KCNH1: variants seen among roughly 807,000 people sequenced by gnomAD.
KCNH1 encodes potassium voltage-gated channel subfamily H member 1.
KCNH1 carries 27 observed loss-of-function variants against 69.2 expected under a neutral mutation model. The observed-to-expected ratio is 0.39, with a 90% CI of 0.29 to 0.54. KCNH1 has a LOEUF of 0.54. KCNH1 is among the 20% of genes least tolerant of loss of function. KCNH1 has a pLI of 0.68. For synonymous variants in KCNH1, 456 were observed against 487.7 expected (o/e 0.93, Z 0.86); for missense variants, 798 against 1,261.6 (o/e 0.63, Z 5.57).
At chr1:210,994,532 G>C (rs1430740497) in intron 6 of KCNH1, among the ~76,000 whole-genome samples, 1 of 152,132 alleles carries the variant, frequency 6.6e-6, no homozygotes, top group Non-Finnish European at 1.5e-5. Context: ...GTCTGTGCAG[G>C]GTCTTAAAGG....
intron 5 of KCNH1, among the ~76,000 whole-genome samples, chr1:211,055,533 C>G (rs1571611734): frequency 6.6e-6 from 1 of 152,262 alleles, no homozygotes; most frequent in African/African-American, 2.4e-5. Flanking sequence ...GTGCTGGACT[C>G]GAAGATAATG....
At chr1:210,982,554 A>T (rs1688734847) in intron 6 of KCNH1, among the ~76,000 whole-genome samples, 4 of 152,200 alleles carry the variant, frequency 2.6e-5, no homozygotes, top group African/African-American at 7.2e-5. Flanking sequence ...TTTGCTGAGA[A>T]TGATGGTTTC....
intron 1 of KCNH1, among the ~76,000 whole-genome samples, chr1:211,109,119 C>A (rs941320932): frequency 6.6e-6 from 1 of 152,154 alleles, no homozygotes; most frequent in Non-Finnish European, 1.5e-5. Context: ...GTAACTGGCA[C>A]AGATAATACA....
chr1:210,808,490 T>C (rs1280541823), intron 7 of KCNH1, among the ~76,000 whole-genome samples: 1 of 152,142 alleles, frequency 6.6e-6, no homozygotes, highest in Non-Finnish European at 1.5e-5. Flanking sequence ...ACAATTACTA[T>C]TATGAAATAT....
At chr1:210,969,185 A>G (rs1252043074) in intron 6 of KCNH1, among the ~76,000 whole-genome samples, 3 of 151,872 alleles carry the variant, frequency 2.0e-5, no homozygotes, top group Non-Finnish European at 4.4e-5. Flanking sequence ...TTGGTTATAA[A>G]TTTTTCATCC....
At chr1:211,064,803 A>G (rs911437983) in intron 5 of KCNH1, among the ~76,000 whole-genome samples, 13 of 152,112 alleles carry the variant, frequency 8.5e-5, no homozygotes, top group Non-Finnish European at 1.9e-4. Flanking sequence ...ACAACAAAAA[A>G]CCTAATTTTT....
At chr1:210,881,288 C>T (rs1392914195) in intron 7 of KCNH1, among the ~76,000 whole-genome samples, 1 of 152,128 alleles carries the variant, frequency 6.6e-6, no homozygotes, top group Admixed American at 6.5e-5. Context: ...CAGGTGTGAG[C>T]CACCATGCCC....
chr1:210,914,397 G>A (rs1474929022), intron 7 of KCNH1, among the ~76,000 whole-genome samples: 1 of 152,068 alleles, frequency 6.6e-6, no homozygotes, highest in Non-Finnish European at 1.5e-5. Flanking sequence ...CTCAGCAAAG[G>A]TGAAATGCAA....
intron 7 of KCNH1, among the ~76,000 whole-genome samples, chr1:210,844,726 T>A (rs1685499496): frequency 6.6e-6 from 1 of 151,678 alleles, no homozygotes; most frequent in African/African-American, 2.4e-5. Flanking sequence ...ATAACTAAGA[T>A]CAGAGCAGAA....
At chr1:210,723,342 C>CA (rs112385701) in intron 10 of KCNH1, among the ~76,000 whole-genome samples, 33,152 of 151,856 alleles carry the variant, frequency 0.22, 4,537 homozygotes, top group African/African-American at 0.39. Context: ...CCATGAAGGT[C>CA]AGTCATAGGC....
intron 10 of KCNH1, among the ~76,000 whole-genome samples, chr1:210,706,773 A>G (rs935135644): frequency 6.6e-6 from 1 of 152,262 alleles, no homozygotes; most frequent in Admixed American, 6.5e-5. Context: ...TTCTCATCAC[A>G]TCACCCCAGG....
chr1:210,684,087 T>C lies in KCNH1; in HGVS notation c.2164A>G (p.Lys722Glu). ...ATCAGGGGGGCCTCATTCTTTCGTT[T>C]CATGCGTTCTTCCTCTTCACGTTTC... The part of the protein sequence containing the change: ...DVKREEEERM[K>E]RKNEAPLILP... The change falls in exon 11 of 11, where the codon AAA (lysine) becomes GAA (glutamate). Residue 722 changes from lysine (K) to glutamate (E), a missense_variant. Physicochemically the swap from Lys to Glu is moderately conservative, Grantham distance 56. Transcript: ENST00000271751. 6.6e-7 allele frequency: 1 copy of C among 1,517,208 alleles called. No homozygotes were observed. Among genetic ancestry groups the C allele is most frequent in the Non-Finnish European group, 8.8e-7 (1 of 1,132,804 alleles). 94.0% of individuals were successfully genotyped at this position (1,517,208 alleles called of 1,614,324 possible). A position where few individuals can be genotyped will look rare whatever the true frequency, so the allele number is the denominator to read the frequency against.
chr1:211,079,137 C>A (rs1690798256), intron 5 of KCNH1, among the ~76,000 whole-genome samples: 1 of 152,070 alleles, frequency 6.6e-6, no homozygotes, highest in South Asian at 2.1e-4. Context: ...AAGGGGTTAT[C>A]ACCACCAATC....
At chr1:210,920,103 G>A (rs1687428902) in intron 6 of KCNH1, 34 bp from the exon 7 acceptor site, 3 of 1,592,930 alleles carry the variant, frequency 1.9e-6, no homozygotes, top group Non-Finnish European at 2.6e-6. Flanking sequence ...CAGGGCCAAA[G>A]AACCAAAGAT....
intron 1 of KCNH1, among the ~76,000 whole-genome samples, chr1:211,119,459 A>G (rs1691648317): frequency 6.6e-6 from 1 of 152,218 alleles, no homozygotes; most frequent in Admixed American, 6.5e-5. Context: ...AATGATGAGA[A>G]TAAGTGCTGT....
chr1:210,745,688 C>T (rs1683133511), intron 10 of KCNH1, among the ~76,000 whole-genome samples: 1 of 152,110 alleles, frequency 6.6e-6, no homozygotes, highest in Non-Finnish European at 1.5e-5. Flanking sequence ...GATAAACCCG[C>T]TCCCACCCGC....
At chr1:211,045,904 T>C (rs888377404) in intron 5 of KCNH1, among the ~76,000 whole-genome samples, 2 of 152,162 alleles carry the variant, frequency 1.3e-5, no homozygotes, top group Non-Finnish European at 2.9e-5. Context: ...TTGACTATTT[T>C]GGGTTAATAA....
At chr1:211,040,345 C>A (rs747371588) in intron 5 of KCNH1, among the ~76,000 whole-genome samples, 9 of 152,194 alleles carry the variant, frequency 5.9e-5, no homozygotes, top group Non-Finnish European at 1.2e-4. Flanking sequence ...CCCAGAATTC[C>A]CATGTGTGGG....
intron 4 of KCNH1, among the ~76,000 whole-genome samples, chr1:211,088,410 T>C (rs1690993227): frequency 6.6e-6 from 1 of 152,208 alleles, no homozygotes; most frequent in South Asian, 2.1e-4. Flanking sequence ...TTCTAGGATC[T>C]AGATTTGATC....
Sources: allele counts gnomAD v4.1 joint callset (sites outside exome capture counted in the v4.1 genomes callset), GRCh38; gene constraint gnomAD v4.1.1; transcripts MANE v1.5; gene names NCBI Gene and HGNC (gene_info 2026-07-23, HGNC 2026-07-21).